The following PDE7B variants were observed in gnomAD, a reference collection of about 807,000 sequenced individuals.
PDE7B encodes the protein 3',5'-cyclic-AMP phosphodiesterase 7B.
In PDE7B, 29 loss-of-function variants were observed where a neutral mutation model predicts 56.2. The ratio of observed to expected loss-of-function variants is 0.52; its 90% CI spans 0.38 to 0.70. The LOEUF is 0.70. Ranked by LOEUF, PDE7B falls within the 30% of genes least tolerant of loss-of-function variation. The probability of loss-of-function intolerance (pLI) is 0.00; values close to 1 mark genes in which losing one functional copy is unlikely to be tolerated. For synonymous variants in PDE7B, 197 were observed against 196.9 expected (o/e 1.00, Z 0.00); for missense variants, 490 against 565.0 (o/e 0.87, Z 1.35).
At chr6:135,996,678 A>G (rs1025277030) in intron 2 of PDE7B, among the ~76,000 whole-genome samples, 11 of 152,244 alleles carry the variant, frequency 7.2e-5, no homozygotes, top group Non-Finnish European at 1.6e-4. Context: ...GCTAAACAGC[A>G]GAAATATGTT....
chr6:136,007,485 T>C (rs1362256997), intron 2 of PDE7B, among the ~76,000 whole-genome samples: 1 of 152,032 alleles, frequency 6.6e-6, no homozygotes, highest in Non-Finnish European at 1.5e-5. Context: ...TGGTATAACA[T>C]ACAGGAAGGA....
chr6:136,041,280 A>C (rs1776408760), intron 2 of PDE7B, among the ~76,000 whole-genome samples: 2 of 152,200 alleles, frequency 1.3e-5, no homozygotes, highest in Non-Finnish European at 2.9e-5. Flanking sequence ...GTTTCTCACA[A>C]GTGAAGTAGA....
chr6:135,993,807 T>G (rs989984775), intron 2 of PDE7B, among the ~76,000 whole-genome samples: 11 of 152,354 alleles, frequency 7.2e-5, no homozygotes, highest in Middle Eastern at 6.8e-3. Context: ...ACTTTGAGTT[T>G]CCTATCTTTC....
At chr6:135,964,570 A>G (rs1742092332) in intron 2 of PDE7B, among the ~76,000 whole-genome samples, 1 of 152,216 alleles carries the variant, frequency 6.6e-6, no homozygotes, top group East Asian at 1.9e-4. Context: ...TAAAGTAATG[A>G]TAAGGAAAAA....
rs1779236002 is a variant in PDE7B, at chr6:136,191,929, C to A, written c.*89C>A. 3.1e-6 allele frequency: 3 copies of A among 976,772 alleles called. No individual in the cohort carries two copies. The highest frequency in any genetic ancestry group is 3.1e-6 in the Non-Finnish European group (2 of 652,382). The allele number at this position is 976,772 out of a possible 1,614,324, so 60.5% of individuals were successfully genotyped here. A position where few individuals can be genotyped will look rare whatever the true frequency, so the allele number is the denominator to read the frequency against. On this transcript the variant is annotated 3_prime_UTR_variant, in exon 13 of 13. Transcript: ENST00000308191. ...GAGGGGCCCTCACGCAGCAGCCCAG[C>A]CACTTTCTGAGTGTTGTCCTGGGGC...
chr6:136,150,382 T>G (rs1436854563), intron 5 of PDE7B, among the ~76,000 whole-genome samples: 1 of 152,190 alleles, frequency 6.6e-6, no homozygotes, highest in Non-Finnish European at 1.5e-5. Context: ...TGTTGATTTT[T>G]GTATATGGTG....
intron 1 of PDE7B, among the ~76,000 whole-genome samples, chr6:135,893,311 A>G (rs1056643977): frequency 6.8e-6 from 1 of 147,020 alleles, no homozygotes; most frequent in African/African-American, 2.5e-5. Context: ...GAATGAGAAC[A>G]TGCGGTGTTT....
At chr6:135,992,561 C>A (rs1775495832) in intron 2 of PDE7B, among the ~76,000 whole-genome samples, 1 of 152,154 alleles carries the variant, frequency 6.6e-6, no homozygotes, top group Admixed American at 6.5e-5. Context: ...TGTGATGATA[C>A]TTCAAATTTT....
rs1779247967 is a variant in PDE7B, at chr6:136,192,520, G to A, written c.*680G>A. ...GCATCTTCGCAGTTTAAGAAACCAC[G>A]TTTCCTATCCAATCCGAAGGGAAGG... On this transcript the variant is annotated 3_prime_UTR_variant, in exon 13 of 13. Transcript: ENST00000308191. The A allele has an allele frequency of 1.3e-5, 2 of 152,606 alleles. No individual in the cohort carries two copies. The highest frequency in any genetic ancestry group is 1.9e-4 in the East Asian group (1 of 5,168). 9.5% of individuals were successfully genotyped at this position (152,606 alleles called of 1,614,324 possible). A position where few individuals can be genotyped will look rare whatever the true frequency, so the allele number is the denominator to read the frequency against.
chr6:136,187,435 T>C (rs746990531), intron 12 of PDE7B, among the ~76,000 whole-genome samples: 1 of 152,138 alleles, frequency 6.6e-6, no homozygotes, highest in Admixed American at 6.5e-5. Context: ...CTATTCATAC[T>C]CTCTGCAGGG....
At chr6:136,034,548 T>A (rs547531103) in intron 2 of PDE7B, 1 of 152,328 alleles carries the variant, frequency 6.6e-6, no homozygotes, top group Non-Finnish European at 1.5e-5. Flanking sequence ...TGTAATAGTT[T>A]CCAGTCAGGG....
chr6:136,032,392 C>T (rs1776258888), intron 2 of PDE7B, among the ~76,000 whole-genome samples: 1 of 152,166 alleles, frequency 6.6e-6, no homozygotes, highest in African/African-American at 2.4e-5. Context: ...GGATGAGACC[C>T]TAGACATGAT....
At chr6:135,872,854 T>C (rs1014870652) in intron 1 of PDE7B, among the ~76,000 whole-genome samples, 1 of 152,220 alleles carries the variant, frequency 6.6e-6, no homozygotes, top group Non-Finnish European at 1.5e-5. Flanking sequence ...CCTTATTTAA[T>C]ACTACTCATT....
At chr6:136,026,273 G>A (rs892544719) in intron 2 of PDE7B, among the ~76,000 whole-genome samples, 2 of 152,142 alleles carry the variant, frequency 1.3e-5, no homozygotes, top group East Asian at 1.9e-4. Flanking sequence ...TGTGAACCAC[G>A]TGCAACATGT....
chr6:135,914,287 A>G (rs1474935092), intron 1 of PDE7B, among the ~76,000 whole-genome samples: 1 of 151,988 alleles, frequency 6.6e-6, no homozygotes, highest in African/African-American at 2.4e-5. Flanking sequence ...ATACAACTGC[A>G]TATAGAACAC....
intron 2 of PDE7B, among the ~76,000 whole-genome samples, chr6:136,076,627 G>A (rs138298809): frequency 1.2e-4 from 18 of 152,080 alleles, no homozygotes; most frequent in Non-Finnish European, 1.9e-4. Context: ...GCAGTTAGAC[G>A]CCCAGATCTC....
chr6:135,938,715 G>A (rs1774459911), intron 1 of PDE7B, among the ~76,000 whole-genome samples: 1 of 152,286 alleles, frequency 6.6e-6, no homozygotes, highest in South Asian at 2.1e-4. Flanking sequence ...TGCAACGTAA[G>A]ACGCAATGAC....
chr6:135,932,955 A>G (rs942197491), intron 1 of PDE7B, among the ~76,000 whole-genome samples: 2 of 152,190 alleles, frequency 1.3e-5, no homozygotes, highest in Non-Finnish European at 2.9e-5. Flanking sequence ...TCTATTAGTC[A>G]TAGATGGCAT....
chr6:135,881,976 C>A (rs532729452), intron 1 of PDE7B, among the ~76,000 whole-genome samples: 1 of 152,260 alleles, frequency 6.6e-6, no homozygotes, highest in Non-Finnish European at 1.5e-5. Context: ...AATTTGTAGA[C>A]TGGGTTGAGG....
Sources: gnomAD v4.1 joint callset for allele counts (sites outside exome capture counted in the v4.1 genomes callset) on GRCh38, gnomAD v4.1.1 for gene constraint, MANE v1.5 for transcripts, NCBI Gene and HGNC (gene_info 2026-07-23, HGNC 2026-07-21) for gene names.